Variants in RAB11FIP5 observed in about 807,000 individuals in gnomAD.
RAB11FIP5 encodes the protein rab11 family-interacting protein 5.
RAB11FIP5 carries 48 observed loss-of-function variants against 85.1 expected under a neutral mutation model. That is an observed-to-expected ratio of 0.56 (90% confidence interval 0.45 to 0.72). The LOEUF (loss-of-function observed/expected upper bound fraction) is 0.72. Among genes scored for constraint, RAB11FIP5 ranks in the 30% least tolerant of loss-of-function variants. The pLI is 0.00. For synonymous variants in RAB11FIP5, 729 were observed against 727.3 expected, an observed-to-expected ratio of 1.00 and a Z score of -0.04; for missense variants, 1,491 against 1,687.0, an observed-to-expected ratio of 0.88 and a Z score of 2.04.
Position 73,086,197 on chromosome 2 carries a change from G to A in RAB11FIP5, c.1568+1853C>T, listed in dbSNP as rs987855174. ...CCCCTCCCACCCCATCTGCATGCACGGCCACAGAGCCTGGCCCTGCAGCCG... is the reference window on the plus strand; with the variant it reads ...CCCCTCCCACCCCATCTGCATGCACAGCCACAGAGCCTGGCCCTGCAGCCG... On this transcript the variant is annotated intron_variant, in intron 3 of 5. Coordinates refer to ENST00000486777, the MANE Select transcript of RAB11FIP5 (RefSeq NM_001371272.1). This position sits in a 1 kb window ranked among gnomAD's most constrained non-coding sequence, Gnocchi z 4.4. Among the ~76,000 whole-genome samples, 4 of 152,268 alleles carry A rather than the reference G, an allele frequency of 2.6e-5. No individual in the cohort carries two copies. Among genetic ancestry groups the A allele is most frequent in the Admixed American group, 6.5e-5 (1 of 15,298 alleles).
chr2:73,107,917 G>A (rs376300095), intron 1 of RAB11FIP5, among the ~76,000 whole-genome samples: 20 of 152,134 alleles, frequency 1.3e-4, no homozygotes, highest in African/African-American at 4.8e-4. Context: ...GTGGGGTCAC[G>A]CACCATCTGC....
chr2:73,099,709 G>C (rs1684391879), intron 1 of RAB11FIP5, among the ~76,000 whole-genome samples: 1 of 152,206 alleles, frequency 6.6e-6, no homozygotes, highest in South Asian at 2.1e-4. Context: ...TGCTAGCTGG[G>C]AGCAAGCTAC....
chr2:73,082,474 G>C (rs143184564), intron 3 of RAB11FIP5, among the ~76,000 whole-genome samples: 3 of 152,232 alleles, frequency 2.0e-5, no homozygotes, highest in African/African-American at 7.2e-5. Context: ...TTGATCCCTT[G>C]CAGAAGCAGA....
intron 3 of RAB11FIP5, among the ~76,000 whole-genome samples, chr2:73,084,634 A>T (rs1165466804): frequency 6.6e-6 from 1 of 152,208 alleles, no homozygotes; most frequent in Non-Finnish European, 1.5e-5. Context: ...CCACCTGTTC[A>T]CCCTGACAGC....
chr2:73,085,118 C>G (rs1265214212), intron 3 of RAB11FIP5, among the ~76,000 whole-genome samples: 1 of 152,292 alleles, frequency 6.6e-6, no homozygotes, highest in South Asian at 2.1e-4. Flanking sequence ...GCTGCACTAA[C>G]TCCAAGCCAC....
chr2:73,092,252 C>T (rs1684229565), intron 1 of RAB11FIP5, among the ~76,000 whole-genome samples: 1 of 152,192 alleles, frequency 6.6e-6, no homozygotes, highest in South Asian at 2.1e-4. Flanking sequence ...CGCCCAAGCC[C>T]TGAGTAACTA....
intron 1 of RAB11FIP5, among the ~76,000 whole-genome samples, chr2:73,107,791 C>T (rs776889038): frequency 4.9e-4 from 74 of 152,198 alleles, no homozygotes; most frequent in Non-Finnish European, 9.1e-4. Flanking sequence ...CCAGCAGTGC[C>T]ACAGGCCTCC....
At chr2:73,099,544 C>T (rs75921182) in intron 1 of RAB11FIP5, among the ~76,000 whole-genome samples, 1,913 of 152,310 alleles carry the variant, frequency 0.013, 27 homozygotes, top group African/African-American at 0.042. Context: ...CCATTTCCCA[C>T]CCAGCTAAGG....
At position 73,086,337 on chromosome 2, in the gene RAB11FIP5, A is replaced by G. The variant is rs1684089686; in HGVS notation, c.1568+1713T>C. Among the ~76,000 whole-genome samples the G allele has an allele frequency of 6.6e-6, 1 of 152,210 alleles. No homozygotes were observed. Reference sequence around the variant, plus strand: ...CAGAAACCTCAGCTTCCTTATGGCCATCAGTGACCCAAATCCTCCAGATTC... The same window carrying G: ...CAGAAACCTCAGCTTCCTTATGGCCGTCAGTGACCCAAATCCTCCAGATTC... On this transcript the variant is annotated intron_variant, in intron 3 of 5. Transcript: ENST00000486777. The surrounding 1 kb of genome is among the most constrained non-coding windows in gnomAD (Gnocchi z 4.4).
Position 73,075,700 on chromosome 2 carries a change from C to A in RAB11FIP5, c.3796G>T (p.Ala1266Ser). ...LKDSAVLDQS[A>S]KYYHLTHDEL... is the part of the protein sequence containing the mutation. ...TCGTGGGTCAGGTGGTAGTACTTGG[C>A]CGACTGGTCCAGCACAGCTGAGTCC... The change falls in exon 6 of 6, where the codon GCC becomes TCC. Residue 1266 changes from alanine to serine, a missense_variant. By Grantham distance (99) the Ala-to-Ser change is moderately conservative. Around this residue, in one of 3 missense-constraint regions of RAB11FIP5, gnomAD observed 232 missense variants for 259.1 expected, o/e 0.90. Coordinates refer to ENST00000486777, the MANE Select transcript of RAB11FIP5 (RefSeq NM_001371272.1). This position sits in a 1 kb window ranked among gnomAD's most constrained non-coding sequence, Gnocchi z 4.6. 2 of 1,610,216 alleles carry A rather than the reference C, an allele frequency of 1.2e-6. No homozygotes were observed. Among genetic ancestry groups the A allele is most frequent in the African/African-American group, 1.3e-5 (1 of 74,978 alleles).
Position 73,097,157 on chromosome 2 carries a change from C to A in RAB11FIP5, c.432-7842G>T, listed in dbSNP as rs60495345. 3.3e-5 allele frequency among the ~76,000 whole-genome samples: 5 copies of A among 152,320 alleles called. No individual in the cohort carries two copies. The East Asian group carries it at 7.7e-4, about 23-fold the overall frequency. ...GGTCCAAGCGATTCTCCTGCCTCAG[C>A]CACCTGAGTAGCTGGGATTACAGGC... On this transcript the variant is annotated intron_variant, in intron 1 of 5. Transcript: ENST00000486777.
At position 73,080,777 on chromosome 2, in the gene RAB11FIP5, C is replaced by T. The variant is rs924277481; in HGVS notation, c.2455G>A (p.Glu819Lys). 8.9e-6 allele frequency: 11 copies of T among 1,232,360 alleles called. No homozygotes were observed. Among genetic ancestry groups the T allele is most frequent in the African/African-American group, 1.6e-5 (1 of 64,414 alleles). The allele number at this position is 1,232,360 out of a possible 1,614,324, so 76.3% of individuals were successfully genotyped here. Reference protein sequence around the residue: ...EGQDDESSRGENQLCPDVETA... With the variant: ...EGQDDESSRGKNQLCPDVETA... ...TCGACGTCAGGGCAAAGCTGATTTTCGCCTCGGGAGGACTCATCGTCCTGG... is the reference window on the plus strand; with the variant it reads ...TCGACGTCAGGGCAAAGCTGATTTTTGCCTCGGGAGGACTCATCGTCCTGG... The change falls in exon 4 of 6, where the codon GAA becomes AAA. Residue 819 changes from glutamate (E) to lysine (K), a missense_variant. By Grantham distance (56) the Glu-to-Lys change is moderately conservative. Around this residue, in one of 3 missense-constraint regions of RAB11FIP5, gnomAD observed 1,211 missense variants for 1,338.0 expected, o/e 0.91. Transcript: ENST00000486777.
chr2:73,076,079 T>C lies in RAB11FIP5; in HGVS notation c.3685A>G (p.Lys1229Glu). 1 of 1,614,106 alleles carries C rather than the reference T, an allele frequency of 6.2e-7. No homozygotes were observed. Among genetic ancestry groups the C allele is most frequent in the Non-Finnish European group, 8.5e-7 (1 of 1,179,972 alleles). ...CTCCCAGATGTGACTGTTTTGAGCT[T>C]CTCCAGCCCACTGCTCAGGGCTATG... ...LSIALSSGLEKLKTVTSGSIQ... is the reference protein window; with the variant it reads ...LSIALSSGLEELKTVTSGSIQ... The change falls in exon 5 of 6, where the codon AAG becomes GAG. Residue 1229 changes from lysine to glutamate, a missense_variant. Lys to Glu is a moderately conservative substitution (Grantham distance 56). Transcript: ENST00000486777.
intron 1 of RAB11FIP5, among the ~76,000 whole-genome samples, chr2:73,099,114 G>A (rs1684382145): frequency 6.8e-6 from 1 of 146,062 alleles, no homozygotes; most frequent in Admixed American, 7.1e-5. Flanking sequence ...CAATGGCACA[G>A]TCTCGGCTCA....
chr2:73,097,046 A>ATTTTC (rs1684332641), intron 1 of RAB11FIP5, among the ~76,000 whole-genome samples: 5 of 150,458 alleles, frequency 3.3e-5, no homozygotes, highest in Admixed American at 3.3e-4. Context: ...TTATGTTTTT[A>ATTTTC]TTTTATTTTG....
At position 73,080,715 on chromosome 2, in the gene RAB11FIP5, G is replaced by T. The variant is rs1187964900; in HGVS notation, c.2517C>A (p.Thr839=). 1.6e-6 allele frequency: 2 copies of T among 1,232,430 alleles called. No individual in the cohort carries two copies. The highest frequency in any genetic ancestry group is 2.0e-6 in the Non-Finnish European group (2 of 988,098). 76.3% of individuals were successfully genotyped at this position (1,232,430 alleles called of 1,614,324 possible). A position where few individuals can be genotyped will look rare whatever the true frequency, so the allele number is the denominator to read the frequency against. Residue 839 remains threonine, a synonymous_variant, in exon 4 of 6, where the codon ACC becomes ACA. Transcript: ENST00000486777. ...ADDAWPWDVV[T]ISPAAETASL... ...AGGCTGTCTCAGCTGCAGGAGAAAT[G>T]GTGACCACATCCCAAGGCCAGGCAT...
chr2:73,106,296 G>C (rs1684524701), intron 1 of RAB11FIP5, among the ~76,000 whole-genome samples: 1 of 152,176 alleles, frequency 6.6e-6, no homozygotes, highest in Non-Finnish European at 1.5e-5. Context: ...AGAGAAGGCT[G>C]GGGAGGCAGA....
At chr2:73,087,944 C>T in intron 3 of RAB11FIP5, 106 bp downstream of exon 3, 1 of 1,142,366 alleles carries the variant, frequency 8.8e-7, no homozygotes, top group Non-Finnish European at 1.3e-6. Context: ...GCCCCAGCAG[C>T]CTGCCTGAGG....
rs948491201 is a variant in RAB11FIP5, at chr2:73,081,080, C to G, written c.2152G>C (p.Val718Leu). 2.4e-6 allele frequency: 3 copies of G among 1,231,316 alleles called. No individual in the cohort carries two copies. Among genetic ancestry groups the G allele is most frequent in the African/African-American group, 3.2e-5 (2 of 62,362 alleles). The allele number at this position is 1,231,316 out of a possible 1,614,324, so 76.3% of individuals were successfully genotyped here. A position where few individuals can be genotyped will look rare whatever the true frequency, so the allele number is the denominator to read the frequency against. ...GGGGGRGGSS[V>L]WLEPRVPLDL... Reference sequence around the variant, plus strand: ...AGAGGAACCCTGGGCTCCAGCCACACGCTGCTCCCACCTCTTCCTCCTCCT... The same window carrying G: ...AGAGGAACCCTGGGCTCCAGCCACAGGCTGCTCCCACCTCTTCCTCCTCCT... The change falls in exon 4 of 6, where the codon GTG becomes CTG. Residue 718 changes from valine to leucine, a missense_variant. Around this residue, in one of 3 missense-constraint regions of RAB11FIP5, gnomAD observed 1,211 missense variants for 1,338.0 expected, o/e 0.91. Coordinates refer to ENST00000486777, the MANE Select transcript of RAB11FIP5 (RefSeq NM_001371272.1). This position sits in a 1 kb window ranked among gnomAD's most constrained non-coding sequence, Gnocchi z 4.2.
Sources: allele counts gnomAD v4.1 joint callset (sites outside exome capture counted in the v4.1 genomes callset), GRCh38; gene constraint gnomAD v4.1.1; regional missense constraint gnomAD v4.1.1; non-coding constraint Gnocchi (gnomAD v3.1); transcripts MANE v1.5; gene names NCBI Gene and HGNC (gene_info 2026-07-23, HGNC 2026-07-21).